LPAR1: variants seen among roughly 807,000 people sequenced by gnomAD.
LPAR1 encodes LPA receptor 1.
In LPAR1, 5 loss-of-function variants were observed where a neutral mutation model predicts 23.8. The observed-to-expected ratio is 0.21, with a 90% CI of 0.11 to 0.44. LPAR1 has a LOEUF of 0.44. Ranked by LOEUF, LPAR1 falls within the 20% of genes least tolerant of loss-of-function variation. The probability of loss-of-function intolerance (pLI) is 0.99; values close to 1 mark genes in which losing one functional copy is unlikely to be tolerated. For synonymous variants in LPAR1, 160 were observed against 164.7 expected, an observed-to-expected ratio of 0.97 and a Z score of 0.22; for missense variants, 311 against 482.8, an observed-to-expected ratio of 0.64 and a Z score of 3.33.
intron 2 of LPAR1, among the ~76,000 whole-genome samples, chr9:111,015,584 T>A (rs148279373): frequency 3.9e-5 from 6 of 152,168 alleles, no homozygotes; most frequent in African/African-American, 1.4e-4. Flanking sequence ...GAGTTGTTGA[T>A]CAAAGGGCAC....
At chr9:110,917,998 C>T (rs1368277223) in intron 5 of LPAR1, among the ~76,000 whole-genome samples, 1 of 152,110 alleles carries the variant, frequency 6.6e-6, no homozygotes, top group African/African-American at 2.4e-5. Context: ...CACCTACAGG[C>T]CTCATGCTAT....
chr9:111,033,381 A>G (rs547826433), intron 2 of LPAR1, among the ~76,000 whole-genome samples: 1 of 152,338 alleles, frequency 6.6e-6, no homozygotes, highest in African/African-American at 2.4e-5. Flanking sequence ...AATGTATCCT[A>G]AAATAAAGTA....
At chr9:110,944,161 G>A (rs76198893) in intron 4 of LPAR1, among the ~76,000 whole-genome samples, 3,521 of 152,190 alleles carry the variant, frequency 0.023, 53 homozygotes, top group Non-Finnish European at 0.038. Context: ...GACATAACCC[G>A]CAAGAACTTC....
At chr9:110,999,208 A>G (rs1178804047) in intron 2 of LPAR1, among the ~76,000 whole-genome samples, 1 of 152,226 alleles carries the variant, frequency 6.6e-6, no homozygotes, top group East Asian at 1.9e-4. Flanking sequence ...AATGAAGACA[A>G]AAACTCAAAA....
chr9:110,988,764 C>T (rs1368211293), intron 2 of LPAR1, among the ~76,000 whole-genome samples: 1 of 152,066 alleles, frequency 6.6e-6, no homozygotes, highest in Non-Finnish European at 1.5e-5. Flanking sequence ...TTCATATGAT[C>T]CAGCAATTCC....
intron 5 of LPAR1, among the ~76,000 whole-genome samples, chr9:110,925,968 T>C (rs771741310): frequency 2.6e-5 from 4 of 152,220 alleles, no homozygotes; most frequent in Non-Finnish European, 5.9e-5. Flanking sequence ...TCACCCAGGC[T>C]GGAGTGCAGT....
chr9:111,000,278 G>C (rs1230522993), intron 2 of LPAR1, among the ~76,000 whole-genome samples: 1 of 152,164 alleles, frequency 6.6e-6, no homozygotes. Context: ...GAGAACAGTA[G>C]TCCAGTTCTA....
chr9:110,897,020 C>G (rs949368324), intron 5 of LPAR1, among the ~76,000 whole-genome samples: 1 of 152,086 alleles, frequency 6.6e-6, no homozygotes. Context: ...ATCTCCTGAC[C>G]TCATGATCTG....
intron 2 of LPAR1, among the ~76,000 whole-genome samples, chr9:111,018,375 A>G (rs2097497373): frequency 6.6e-6 from 1 of 152,250 alleles, no homozygotes; most frequent in African/African-American, 2.4e-5. Context: ...CTTTTAAGGC[A>G]ACAAATTATA....
chr9:110,905,338 T>A (rs909835227), intron 5 of LPAR1, among the ~76,000 whole-genome samples: 2 of 133,004 alleles, frequency 1.5e-5, no homozygotes, highest in African/African-American at 6.6e-5. Context: ...ATGCCTTTGC[T>A]TTTTTTTATT....
chr9:110,906,024 A>G (rs1326081008), intron 5 of LPAR1, among the ~76,000 whole-genome samples: 1 of 152,262 alleles, frequency 6.6e-6, no homozygotes, highest in Non-Finnish European at 1.5e-5. Context: ...ATCCAGGAGC[A>G]TGCTCTTTGT....
rs555131148 is a variant in LPAR1, at chr9:110,894,427, C to T, written c.794-18705G>A. Among the ~76,000 whole-genome samples the T allele has an allele frequency of 2.7e-3, 408 of 152,330 alleles. 1 individual carries two copies. The highest frequency in any genetic ancestry group is 4.5e-3 in the Non-Finnish European group (307 of 68,030). On this transcript the variant is annotated intron_variant, in intron 5 of 5. Transcript: ENST00000683809. Reference sequence around the variant, plus strand: ...ATTGTGAGGACTGAATGAGACACTGCAAATGGAATACGAAGCACAGGGCCA... The same window carrying T: ...ATTGTGAGGACTGAATGAGACACTGTAAATGGAATACGAAGCACAGGGCCA...
chr9:110,968,057 A>G (rs1478731595), intron 4 of LPAR1, among the ~76,000 whole-genome samples: 7 of 152,208 alleles, frequency 4.6e-5, no homozygotes, highest in African/African-American at 1.7e-4. Context: ...CTTGCTCAAT[A>G]AAACTATTAT....
chr9:111,009,056 A>G (rs2097274989), intron 2 of LPAR1, among the ~76,000 whole-genome samples: 1 of 152,222 alleles, frequency 6.6e-6, no homozygotes, highest in South Asian at 2.1e-4. Flanking sequence ...AGATACTGGG[A>G]TTATCCAATA....
chr9:111,006,075 T>C (rs545529547), intron 2 of LPAR1, among the ~76,000 whole-genome samples: 1 of 152,154 alleles, frequency 6.6e-6, no homozygotes, highest in African/African-American at 2.4e-5. Flanking sequence ...TAAAGGGTAA[T>C]TGAACAATAA....
intron 2 of LPAR1, among the ~76,000 whole-genome samples, chr9:111,010,148 T>C (rs2097306356): frequency 6.6e-6 from 1 of 151,610 alleles, no homozygotes; most frequent in Non-Finnish European, 1.5e-5. Context: ...TATCTATATA[T>C]TTATATACAA....
At chr9:110,943,067 A>G (rs2095220614) in intron 4 of LPAR1, among the ~76,000 whole-genome samples, 2 of 147,606 alleles carry the variant, frequency 1.4e-5, no homozygotes, top group South Asian at 2.1e-4. Flanking sequence ...AAACAGAATA[A>G]TATATGTTTA....
chr9:111,026,267 G>A (rs1165368738), intron 2 of LPAR1, among the ~76,000 whole-genome samples: 2 of 152,114 alleles, frequency 1.3e-5, no homozygotes, highest in Non-Finnish European at 2.9e-5. Flanking sequence ...GTATTCCTAA[G>A]TATTTTATTC....
At chr9:110,984,747 G>A (rs2096744533) in intron 2 of LPAR1, among the ~76,000 whole-genome samples, 1 of 147,750 alleles carries the variant, frequency 6.8e-6, no homozygotes, top group Non-Finnish European at 1.5e-5. Context: ...GATAAGCACA[G>A]AATACCTGTG....
Sources: allele counts gnomAD v4.1 joint callset (sites outside exome capture counted in the v4.1 genomes callset), GRCh38; gene constraint gnomAD v4.1.1; transcripts MANE v1.5; gene names NCBI Gene and HGNC (gene_info 2026-07-23, HGNC 2026-07-21).